RBFOX1: variants seen among roughly 807,000 people sequenced by gnomAD.
RBFOX1 encodes RNA binding fox-1 homolog 1.
Under a neutral mutation model 57.7 loss-of-function variants are expected in RBFOX1, and 8 were observed. That is an observed-to-expected ratio of 0.14 (90% CI 0.08 to 0.25). RBFOX1 has a LOEUF of 0.25. Among genes scored for constraint, RBFOX1 ranks in the 10% least tolerant of loss-of-function variants. The pLI, the probability that RBFOX1 is intolerant of heterozygous loss-of-function variation, is 1.00. For synonymous variants in RBFOX1, 326 were observed against 222.4 expected (o/e 1.47, Z -4.15); for missense variants, 611 against 548.5 (o/e 1.11, Z -1.14).
chr16:6,210,381 GAA>G (rs1370700972), intron 1 of RBFOX1, among the ~76,000 whole-genome samples: 12 of 76,198 alleles, frequency 1.6e-4, no homozygotes, highest in South Asian at 9.2e-4. Flanking sequence ...AAAAAAAAGA[GAA>G]AGGAAGGAAG....
chr16:6,972,642 T>G lies in RBFOX1; in HGVS notation c.-15-79415T>G, dbSNP rs563725542. On this transcript the variant is annotated intron_variant, in intron 3 of 15. Transcript: ENST00000550418. ...GATGCAGGAGAACAAGCAGAAAATT[T>G]CAAGAGCAAATGCTTTGGGGACAGA... Among the ~76,000 whole-genome samples, 3 of 152,148 alleles carry G rather than the reference T, an allele frequency of 2.0e-5. No homozygotes were observed. In the South Asian group the frequency reaches 6.2e-4, roughly 32 times the overall value.
At chr16:7,340,922 A>G (rs563349162) in intron 4 of RBFOX1, among the ~76,000 whole-genome samples, 6 of 152,288 alleles carry the variant, frequency 3.9e-5, no homozygotes, top group Admixed American at 2.6e-4. Context: ...TATATCAGCA[A>G]CTATGCTTTT....
chr16:5,869,097 T>G (rs74983639), intron 4 of RBFOX1, among the ~76,000 whole-genome samples: 5,771 of 152,282 alleles, frequency 0.038, 151 homozygotes, highest in East Asian at 0.11. Flanking sequence ...TTGGAATTCA[T>G]AACCATGTCT....
At chr16:5,992,790 T>C (rs1183769153) in intron 4 of RBFOX1, among the ~76,000 whole-genome samples, 3 of 152,052 alleles carry the variant, frequency 2.0e-5, no homozygotes, top group Non-Finnish European at 2.9e-5. Flanking sequence ...AAAAATTAGC[T>C]GGGCATGGTG....
intron 12 of RBFOX1, among the ~76,000 whole-genome samples, chr16:7,662,583 G>A (rs977537199): frequency 6.6e-6 from 1 of 152,178 alleles, no homozygotes; most frequent in African/African-American, 2.4e-5. Context: ...AAGCCACAGG[G>A]TGTAGCTTTT....
chr16:5,484,766 G>C (rs2069667027), intron 2 of RBFOX1, among the ~76,000 whole-genome samples: 1 of 151,898 alleles, frequency 6.6e-6, no homozygotes, highest in Admixed American at 6.6e-5. Flanking sequence ...CAAAAAATTA[G>C]CCAGGCGTGG....
At chr16:5,258,808 C>T (rs550792382) in intron 1 of RBFOX1, among the ~76,000 whole-genome samples, 2 of 152,100 alleles carry the variant, frequency 1.3e-5, no homozygotes, top group South Asian at 2.1e-4. Context: ...CCCACCTACT[C>T]GGGAGGCTGA....
intron 1 of RBFOX1, chr16:5,365,896 A>G (rs1291849560): frequency 4.0e-6 from 2 of 501,330 alleles, no homozygotes; most frequent in Non-Finnish European, 7.9e-6. Context: ...TTCAAGGTGG[A>G]TAATGATGAA....
intron 3 of RBFOX1, among the ~76,000 whole-genome samples, chr16:5,776,739 T>C (rs987002636): frequency 5.9e-5 from 9 of 152,184 alleles, no homozygotes; most frequent in Admixed American, 5.9e-4. Context: ...ACACCCACAG[T>C]GATGAACACC....
intron 3 of RBFOX1, among the ~76,000 whole-genome samples, chr16:5,712,199 C>T (rs546651745): frequency 1.3e-4 from 20 of 152,288 alleles, no homozygotes; most frequent in East Asian, 9.7e-4. Context: ...CCACCAGGTC[C>T]CTTCTTCAAC....
intron 4 of RBFOX1, among the ~76,000 whole-genome samples, chr16:5,977,956 G>A (rs2060098562): frequency 6.6e-6 from 1 of 151,656 alleles, no homozygotes; most frequent in African/African-American, 2.4e-5. Flanking sequence ...ACATTGCCAT[G>A]CTGGCTTCAA....
intron 3 of RBFOX1, among the ~76,000 whole-genome samples, chr16:6,728,555 T>A (rs1027000600): frequency 5.3e-5 from 8 of 152,110 alleles, no homozygotes; most frequent in African/African-American, 1.9e-4. Flanking sequence ...CAGCTCATTA[T>A]CCCCCACAAA....
chr16:5,759,124 T>G (rs2053500406), intron 3 of RBFOX1, among the ~76,000 whole-genome samples: 1 of 152,202 alleles, frequency 6.6e-6, no homozygotes, highest in Non-Finnish European at 1.5e-5. Flanking sequence ...TTCTTCACTT[T>G]CCTTTTGATG....
chr16:7,666,749 A>T (rs1218528917), intron 13 of RBFOX1, among the ~76,000 whole-genome samples: 1 of 152,248 alleles, frequency 6.6e-6, no homozygotes, highest in African/African-American at 2.4e-5. Flanking sequence ...GAAATATGCC[A>T]ACCACTTGAC....
intron 3 of RBFOX1, among the ~76,000 whole-genome samples, chr16:6,842,931 C>G (rs1478321159): frequency 1.3e-5 from 2 of 152,014 alleles, no homozygotes; most frequent in Non-Finnish European, 2.9e-5. Flanking sequence ...GTTTGGTTTT[C>G]TGTTCCTGTG....
At chr16:6,772,642 T>TTGTG (rs147036966) in intron 3 of RBFOX1, among the ~76,000 whole-genome samples, 1,911 of 139,732 alleles carry the variant, frequency 0.014, 43 homozygotes, top group African/African-American at 0.048. Flanking sequence ...TGGGGTGCAT[T>TTGTG]TGTGTGTGTG....
At chr16:6,791,303 A>T (rs1028625183) in intron 3 of RBFOX1, among the ~76,000 whole-genome samples, 2 of 152,150 alleles carry the variant, frequency 1.3e-5, no homozygotes, top group African/African-American at 4.8e-5. Context: ...TTTTTAATAC[A>T]TTCATTATAT....
At chr16:6,001,968 C>T (rs2060607600) in intron 4 of RBFOX1, among the ~76,000 whole-genome samples, 3 of 136,124 alleles carry the variant, frequency 2.2e-5, no homozygotes, top group Non-Finnish European at 3.1e-5. Context: ...GCTCTTAAAC[C>T]TTTTTTTTTT....
At chr16:5,718,910 AAATGAATG>A (rs551458775) in intron 3 of RBFOX1, among the ~76,000 whole-genome samples, 7 of 151,734 alleles carry the variant, frequency 4.6e-5, no homozygotes, top group East Asian at 1.9e-4. Flanking sequence ...TTGCTTCTCA[AAATGAATG>A]AATGAATGAA....
Sources: allele counts gnomAD v4.1 joint callset (sites outside exome capture counted in the v4.1 genomes callset), GRCh38; gene constraint gnomAD v4.1.1; transcripts MANE v1.5; gene names NCBI Gene and HGNC (gene_info 2026-07-23, HGNC 2026-07-21).